The following DIPK1A variants were observed in gnomAD, a reference collection of about 807,000 sequenced individuals.
DIPK1A encodes the protein family with sequence similarity 69 member A.
A neutral mutation model predicts 40.8 loss-of-function variants in DIPK1A; 27 were observed. The ratio of observed to expected loss-of-function variants is 0.66; its 90% CI spans 0.49 to 0.91. The LOEUF (loss-of-function observed/expected upper bound fraction) is 0.91, where lower values mean the gene tolerates loss of function less well. Ranked by LOEUF, DIPK1A falls within the 40% of genes least tolerant of loss-of-function variation. DIPK1A has a pLI of 0.00. For missense variants in DIPK1A, 412 were observed against 505.7 expected (o/e 0.81, Z 1.78); for synonymous variants, 166 against 171.3 (o/e 0.97, Z 0.24).
At chr1:92,848,990 C>A (rs1687721472) in intron 3 of DIPK1A, among the ~76,000 whole-genome samples, 1 of 152,066 alleles carries the variant, frequency 6.6e-6, no homozygotes, top group Admixed American at 6.6e-5. Flanking sequence ...CTGTTTTATT[C>A]TTATTTCTCT....
chr1:92,961,278 C>G (rs1652077528), intron 1 of DIPK1A, 98 bp downstream of exon 1: 1 of 893,020 alleles, frequency 1.1e-6, no homozygotes, highest in African/African-American at 1.8e-5. Flanking sequence ...GGGCACAGAC[C>G]CAGGGAGGGA....
chr1:92,903,139 G>C (rs535593761), intron 1 of DIPK1A, among the ~76,000 whole-genome samples: 1 of 152,052 alleles, frequency 6.6e-6, no homozygotes, highest in Non-Finnish European at 1.5e-5. Flanking sequence ...GACCTCCCAG[G>C]ACCTCAGGTG....
chr1:92,852,302 G>A (rs529830410), intron 2 of DIPK1A, among the ~76,000 whole-genome samples: 25 of 152,120 alleles, frequency 1.6e-4, no homozygotes, highest in African/African-American at 5.3e-4. Context: ...AGTTCGAGAC[G>A]AGCCTGACAA....
intron 1 of DIPK1A, among the ~76,000 whole-genome samples, chr1:92,928,497 T>A (rs968786143): frequency 2.0e-5 from 3 of 152,258 alleles, no homozygotes; most frequent in African/African-American, 7.2e-5. Context: ...TCTGAAGATA[T>A]GAGTTACCAG....
chr1:92,836,153 T>C (rs771666288), intron 4 of DIPK1A: 1 of 1,570,536 alleles, frequency 6.4e-7, no homozygotes, highest in Non-Finnish European at 8.8e-7. Context: ...GCAGTTTGAA[T>C]AATTGAAACC....
At chr1:92,902,878 C>G (rs1348328342) in intron 1 of DIPK1A, among the ~76,000 whole-genome samples, 1 of 152,074 alleles carries the variant, frequency 6.6e-6, no homozygotes, top group Non-Finnish European at 1.5e-5. Flanking sequence ...TGTTTTGGTT[C>G]TTTGTGAGGA....
At chr1:92,933,320 T>C (rs1480016036) in intron 1 of DIPK1A, 3 of 152,164 alleles carry the variant, frequency 2.0e-5, no homozygotes, top group Non-Finnish European at 4.4e-5. Context: ...ATAGTTTCTA[T>C]ACCTAAAAAC....
At chr1:92,884,469 A>C (rs1173948589) in intron 1 of DIPK1A, among the ~76,000 whole-genome samples, 3 of 151,960 alleles carry the variant, frequency 2.0e-5, no homozygotes, top group East Asian at 1.9e-4. Flanking sequence ...AACAAACAAA[A>C]AAAAACAACT....
In DIPK1A at chr1:92,842,367, G is replaced by GTGTT. The variant is rs1218117093; in HGVS notation, c.*1012_*1015dup. The GTGTT allele has an allele frequency of 1.0e-6, 1 of 984,900 alleles. No individual in the cohort carries two copies. Among genetic ancestry groups the GTGTT allele is most frequent in the East Asian group, 1.1e-4 (1 of 8,828 alleles). 61.0% of individuals were successfully genotyped at this position (984,900 alleles called of 1,614,324 possible). ...AAATAGTGGTTCTTTTCTCCAAAAG[G>GTGTT]TGTTTAATTTTATGGAGATGTTGAA... On this transcript the variant is annotated 3_prime_UTR_variant, in exon 5 of 5. Coordinates refer to ENST00000370310, the MANE Select transcript of DIPK1A (RefSeq NM_001006605.5).
At chr1:92,934,933 C>T (rs753418779) in intron 1 of DIPK1A, among the ~76,000 whole-genome samples, 3 of 152,110 alleles carry the variant, frequency 2.0e-5, no homozygotes, top group Non-Finnish European at 2.9e-5. Flanking sequence ...TTACTAGCGT[C>T]AAGATGAAGA....
At chr1:92,878,550 G>A (rs990044492) in intron 1 of DIPK1A, among the ~76,000 whole-genome samples, 4 of 152,142 alleles carry the variant, frequency 2.6e-5, no homozygotes, top group Non-Finnish European at 5.9e-5. Flanking sequence ...GCCAGGCGCA[G>A]TGGCTCACAC....
intron 2 of DIPK1A, among the ~76,000 whole-genome samples, chr1:92,870,801 G>A (rs892656696): frequency 1.2e-4 from 18 of 152,192 alleles, no homozygotes; most frequent in African/African-American, 3.6e-4. Flanking sequence ...GGCATGGATC[G>A]GGGTAAAGGT....
rs1379004408 is a variant in DIPK1A, at chr1:92,878,725, CAGG to C, written c.55-2298_55-2296del. Among the ~76,000 whole-genome samples, 12 of 152,232 alleles carry C rather than the reference CAGG, an allele frequency of 7.9e-5. No homozygotes were observed. In the East Asian group the frequency reaches 2.3e-3, roughly 29 times the overall value. On this transcript the variant is annotated intron_variant, in intron 1 of 4. Coordinates refer to ENST00000370310, the MANE Select transcript of DIPK1A (RefSeq NM_001006605.5). ...GTCCCAGCTACTCGGGAGTCTGAGG[CAGG>C]AGAATAGCGTGAACCCCGGGGGGCG... is the stretch of plus-strand genomic sequence containing the variant.
At chr1:92,840,548 C>T, downstream of DIPK1A, 1 of 1,610,182 alleles carries the variant, frequency 6.2e-7, no homozygotes, top group South Asian at 1.1e-5. Context: ...TCCTTTGTTT[C>T]AGATGGAGGA....
intron 1 of DIPK1A, among the ~76,000 whole-genome samples, chr1:92,887,551 T>C (rs1381782060): frequency 6.6e-6 from 1 of 152,180 alleles, no homozygotes; most frequent in South Asian, 2.1e-4. Context: ...AAATAAATGA[T>C]ACTGTAGCCC....
At chr1:92,840,769 C>A, downstream of DIPK1A, 1 of 774,946 alleles carries the variant, frequency 1.3e-6, no homozygotes, top group African/African-American at 1.7e-5. Context: ...CGAAGGGAAC[C>A]AGGTTTGCAA....
At chr1:92,910,383 G>A (rs1649784784) in intron 1 of DIPK1A, among the ~76,000 whole-genome samples, 1 of 152,030 alleles carries the variant, frequency 6.6e-6, no homozygotes, top group African/African-American at 2.4e-5. Flanking sequence ...GAATCCGTAG[G>A]GAGTAAGCCT....
chr1:92,896,187 G>A (rs374031150), intron 1 of DIPK1A, among the ~76,000 whole-genome samples: 2,173 of 152,152 alleles, frequency 0.014, 56 homozygotes, highest in African/African-American at 0.049. Flanking sequence ...AAAAGAGCCC[G>A]CATTGCCAAG....
chr1:92,945,363 T>C (rs1651320691), intron 1 of DIPK1A, among the ~76,000 whole-genome samples: 1 of 152,132 alleles, frequency 6.6e-6, no homozygotes, highest in South Asian at 2.1e-4. Flanking sequence ...AGCTTGTATG[T>C]ACCCTGATTA....
Sources: allele counts gnomAD v4.1 joint callset (sites outside exome capture counted in the v4.1 genomes callset), GRCh38; gene constraint gnomAD v4.1.1; transcripts MANE v1.5; gene names NCBI Gene and HGNC (gene_info 2026-07-23, HGNC 2026-07-21).